GABRB2: variants seen among roughly 807,000 people sequenced by gnomAD.
GABRB2 encodes gamma-aminobutyric acid type A receptor subunit beta2.
In GABRB2, 16 loss-of-function variants were observed where a neutral mutation model predicts 54.7. The ratio of observed to expected loss-of-function variants is 0.29; its 90% CI spans 0.20 to 0.44. The LOEUF (loss-of-function observed/expected upper bound fraction) is 0.44. Ranked by LOEUF, GABRB2 falls within the 20% of genes least tolerant of loss-of-function variation. The pLI is 1.00. For synonymous variants in GABRB2, 244 were observed against 233.8 expected (o/e 1.04, Z -0.40); for missense variants, 355 against 644.0 (o/e 0.55, Z 4.86).
At chr5:161,310,910 A>G (rs564434014) in intron 9 of GABRB2, among the ~76,000 whole-genome samples, 5 of 152,008 alleles carry the variant, frequency 3.3e-5, no homozygotes, top group Admixed American at 6.6e-5. Flanking sequence ...ACAGGCGTCC[A>G]CCACCACGCC....
chr5:161,309,920 C>G (rs188036010), intron 9 of GABRB2, among the ~76,000 whole-genome samples: 3 of 152,072 alleles, frequency 2.0e-5, no homozygotes, highest in African/African-American at 4.8e-5. Context: ...CTTGAGCCAC[C>G]GCGCCTGGCC....
Position 161,326,440 on chromosome 5 carries a change from T to C in GABRB2, c.1119A>G (p.Arg373=). Reference sequence around the variant, plus strand: ...GGTTTCCAGTAGGGTCCCACAAGGATCGATATTGGGTCCCATTTTGTTTAA... The same window carrying C: ...GGTTTCCAGTAGGGTCCCACAAGGACCGATATTGGGTCCCATTTTGTTTAA... ...KDIKQNGTQY[R]SLWDPTGNLS... is the part of the protein sequence containing the mutation. The change falls in exon 9 of 10, where the codon CGA becomes CGG. Residue 373 remains arginine (R), a synonymous_variant. Coordinates refer to ENST00000393959, the MANE Select transcript of GABRB2 (RefSeq NM_001371727.1). 6.2e-7 allele frequency: 1 copy of C among 1,613,618 alleles called. No homozygotes were observed. Among genetic ancestry groups the C allele is most frequent in the Non-Finnish European group, 8.5e-7 (1 of 1,179,668 alleles).
chr5:161,318,568 C>T (rs904438171), intron 9 of GABRB2, among the ~76,000 whole-genome samples: 1 of 151,900 alleles, frequency 6.6e-6, no homozygotes, highest in Non-Finnish European at 1.5e-5. Context: ...ACATAGAGAA[C>T]ACTGGGCCAG....
At chr5:161,359,143 A>T (rs1754728122) in intron 5 of GABRB2, among the ~76,000 whole-genome samples, 1 of 151,986 alleles carries the variant, frequency 6.6e-6, no homozygotes, top group South Asian at 2.1e-4. Context: ...AAAACAAAAA[A>T]CCCCTAACTC....
intron 4 of GABRB2, among the ~76,000 whole-genome samples, chr5:161,444,010 A>C (rs1757542521): frequency 6.6e-6 from 1 of 152,166 alleles, no homozygotes; most frequent in Admixed American, 6.6e-5. Context: ...TATATGACTA[A>C]TCCTCATGTT....
At position 161,304,067 on chromosome 5, in the gene GABRB2, G is replaced by A. The variant is rs111565836; in HGVS notation, c.1192-9639C>T. On this transcript the variant is annotated intron_variant, in intron 9 of 9. Transcript: ENST00000393959. Reference sequence around the variant, plus strand: ...AAATTGAATTACTGAGAGGGCTAGAGTAAGTCTGGGATCACACTTTCAAAT... The same window carrying A: ...AAATTGAATTACTGAGAGGGCTAGAATAAGTCTGGGATCACACTTTCAAAT... Among the ~76,000 whole-genome samples the A allele has an allele frequency of 8.5e-3, 1,294 of 152,290 alleles. 19 individuals carry two copies. Among genetic ancestry groups the A allele is most frequent in the African/African-American group, 0.029 (1,184 of 41,542 alleles).
At chr5:161,403,739 T>A (rs1756272163) in intron 5 of GABRB2, among the ~76,000 whole-genome samples, 2 of 152,036 alleles carry the variant, frequency 1.3e-5, no homozygotes, top group Non-Finnish European at 2.9e-5. Flanking sequence ...TCTTAGAAAC[T>A]GAAAACGTGA....
intron 5 of GABRB2, among the ~76,000 whole-genome samples, chr5:161,382,549 A>G (rs1441243551): frequency 6.6e-6 from 1 of 152,100 alleles, no homozygotes; most frequent in African/African-American, 2.4e-5. Context: ...TTCTTAGCTC[A>G]CTGGGTAAAT....
intron 2 of GABRB2, 100 bp from the exon 3 acceptor site, chr5:161,545,394 G>C (rs1256135369): frequency 9.9e-6 from 6 of 605,642 alleles, no homozygotes; most frequent in Non-Finnish European, 1.3e-5. Context: ...AAACCCTTCT[G>C]CACTACTCAA....
intron 3 of GABRB2, among the ~76,000 whole-genome samples, chr5:161,510,793 G>A (rs760447238): frequency 6.6e-6 from 1 of 151,754 alleles, no homozygotes; most frequent in Non-Finnish European, 1.5e-5. Context: ...AGCATTTAGG[G>A]TTCACTTAAA....
chr5:161,508,005 A>C (rs1759660449), intron 3 of GABRB2, among the ~76,000 whole-genome samples: 1 of 151,986 alleles, frequency 6.6e-6, no homozygotes, highest in Non-Finnish European at 1.5e-5. Flanking sequence ...GTAGGTACTT[A>C]CCCAAGAGGA....
chr5:161,418,815 A>T (rs1264830148), intron 4 of GABRB2, among the ~76,000 whole-genome samples: 1 of 152,200 alleles, frequency 6.6e-6, no homozygotes, highest in Non-Finnish European at 1.5e-5. Flanking sequence ...ATCATTAAAA[A>T]GTGGGCAAAA....
intron 3 of GABRB2, among the ~76,000 whole-genome samples, chr5:161,527,407 A>G (rs2067276693): frequency 6.6e-6 from 1 of 151,522 alleles, no homozygotes; most frequent in South Asian, 2.1e-4. Flanking sequence ...ATATCTGAAT[A>G]TTTATTTTTT....
At chr5:161,538,494 T>A (rs1760711615) in intron 3 of GABRB2, among the ~76,000 whole-genome samples, 1 of 152,194 alleles carries the variant, frequency 6.6e-6, no homozygotes, top group Non-Finnish European at 1.5e-5. Flanking sequence ...AAGCTAGGCA[T>A]AAATACAGTA....
At chr5:161,472,264 G>C (rs1398709417) in intron 3 of GABRB2, among the ~76,000 whole-genome samples, 1 of 151,748 alleles carries the variant, frequency 6.6e-6, no homozygotes, top group Admixed American at 6.6e-5. Flanking sequence ...AGACCTGCCT[G>C]GTTTGGTTGT....
chr5:161,480,807 T>G (rs1477073323), intron 3 of GABRB2, among the ~76,000 whole-genome samples: 1 of 152,008 alleles, frequency 6.6e-6, no homozygotes, highest in East Asian at 1.9e-4. Flanking sequence ...TCATAACATT[T>G]AAAAAGTGCC....
chr5:161,498,401 A>G (rs764960738), intron 3 of GABRB2, among the ~76,000 whole-genome samples: 5 of 151,650 alleles, frequency 3.3e-5, no homozygotes, highest in Non-Finnish European at 7.4e-5. Context: ...TCTATTCTGT[A>G]TCTATTGGCT....
At chr5:161,459,357 T>C in intron 4 of GABRB2, 2 of 463,764 alleles carry the variant, frequency 4.3e-6, no homozygotes, top group East Asian at 4.0e-5. Flanking sequence ...TATTTTGATA[T>C]TCTTTATCCC....
chr5:161,479,919 C>A (rs1041941694), intron 3 of GABRB2, among the ~76,000 whole-genome samples: 1 of 152,012 alleles, frequency 6.6e-6, no homozygotes, highest in Admixed American at 6.6e-5. Flanking sequence ...TTTTTCAATG[C>A]AGTGCTCTCC....
Sources: allele counts gnomAD v4.1 joint callset (sites outside exome capture counted in the v4.1 genomes callset), GRCh38; gene constraint gnomAD v4.1.1; transcripts MANE v1.5; gene names NCBI Gene and HGNC (gene_info 2026-07-23, HGNC 2026-07-21).